RRM2: variants seen among roughly 807,000 people sequenced by gnomAD.
The protein encoded by RRM2 is ribonucleoside-diphosphate reductase subunit M2.
Under a neutral mutation model 45.9 loss-of-function variants are expected in RRM2, and 6 were observed. The ratio of observed to expected loss-of-function variants is 0.13; its 90% confidence interval spans 0.07 to 0.26. RRM2 has a LOEUF of 0.26. Among genes scored for constraint, RRM2 ranks in the 10% least tolerant of loss-of-function variants. The pLI is 1.00. For synonymous variants in RRM2, 177 were observed against 173.0 expected (o/e 1.02, Z -0.18); for missense variants, 343 against 489.5 (o/e 0.70, Z 2.82).
chr2:10,154,877 G>A (rs1297106416), intron 3 of RRM2, among the ~76,000 whole-genome samples: 2 of 151,688 alleles, frequency 1.3e-5, no homozygotes, highest in Non-Finnish European at 1.5e-5. Flanking sequence ...TGTATTTTTA[G>A]TAGAGACGTG....
chr2:10,202,475 G>C (rs1361264865), intron 3 of RRM2, among the ~76,000 whole-genome samples: 2 of 152,182 alleles, frequency 1.3e-5, no homozygotes, highest in Non-Finnish European at 2.9e-5. Context: ...GGAGCTTCTG[G>C]CCGATTTCTC....
chr2:10,166,139 G>A (rs1249159239), intron 3 of RRM2, among the ~76,000 whole-genome samples: 1 of 152,212 alleles, frequency 6.6e-6, no homozygotes, highest in Non-Finnish European at 1.5e-5. Context: ...CCATCTTAAT[G>A]CCTTTCCAAT....
Position 10,123,367 on chromosome 2 carries a change from TTTA to T in RRM2, c.175-17_175-15del, listed in dbSNP as rs574667927. 8.5e-4 allele frequency: 1,356 copies of T among 1,596,168 alleles called. 27 individuals carry two copies. In the South Asian group the frequency reaches 0.014, roughly 16 times the overall value. On this transcript the variant is annotated splice_polypyrimidine_tract_variant and intron_variant, in intron 2 of 9. Transcript: ENST00000304567. Reference sequence around the variant, plus strand: ...TATGGTTCGCCCGGTACTTAAATGTTTTATTTTCTCCCCCAACAGAAAACTAAA... The same window carrying T: ...TATGGTTCGCCCGGTACTTAAATGTTTTTTCTCCCCCAACAGAAAACTAAA...
At chr2:10,194,651 G>A (rs1036672452) in intron 3 of RRM2, among the ~76,000 whole-genome samples, 3 of 152,258 alleles carry the variant, frequency 2.0e-5, no homozygotes, top group Non-Finnish European at 2.9e-5. Context: ...CATGGGCTCT[G>A]GCCCAAGTTA....
At chr2:10,193,147 G>A (rs945487356) in intron 3 of RRM2, among the ~76,000 whole-genome samples, 11 of 152,182 alleles carry the variant, frequency 7.2e-5, no homozygotes, top group South Asian at 4.2e-4. Flanking sequence ...GCCCTCCCCC[G>A]TCGGTTCCTT....
rs1664652785 is a variant in RRM2, at chr2:10,205,855, A to G, written n.483-4456A>G. Among the ~76,000 whole-genome samples, 1 of 151,884 alleles carries G rather than the reference A, an allele frequency of 6.6e-6. No individual in the cohort carries two copies. The highest frequency in any genetic ancestry group is 1.5e-5 in the Non-Finnish European group (1 of 67,964). Reference sequence around the variant, plus strand: ...TACAGGCACCTGCCACCACCCCTGGATAATTTTTGTATTTTTAGTGGAGAC... The same window carrying G: ...TACAGGCACCTGCCACCACCCCTGGGTAATTTTTGTATTTTTAGTGGAGAC... On this transcript the variant is annotated intron_variant and non_coding_transcript_variant, in intron 3 of 3. Transcript: ENST00000381786. The surrounding 1 kb of genome is among the most constrained non-coding windows in gnomAD (Gnocchi z 4.8).
At chr2:10,176,256 T>C (rs1475612548) in intron 3 of RRM2, among the ~76,000 whole-genome samples, 1 of 152,142 alleles carries the variant, frequency 6.6e-6, no homozygotes, top group Non-Finnish European at 1.5e-5. Flanking sequence ...GATCATATGG[T>C]AATTCTACTT....
At chr2:10,147,937 G>T (rs1663224609) in intron 3 of RRM2, among the ~76,000 whole-genome samples, 1 of 152,040 alleles carries the variant, frequency 6.6e-6, no homozygotes, top group African/African-American at 2.4e-5. Flanking sequence ...TCGAGGTCAG[G>T]AGTTTGAGAC....
At chr2:10,123,178 C>G in intron 2 of RRM2, 121 bp downstream of exon 2, 1 of 1,329,970 alleles carries the variant, frequency 7.5e-7, no homozygotes, top group African/African-American at 1.5e-5. Flanking sequence ...CTAGGCGGCC[C>G]CTCCCCAGGG....
At chr2:10,179,213 C>T (rs944232292) in intron 3 of RRM2, among the ~76,000 whole-genome samples, 14 of 152,070 alleles carry the variant, frequency 9.2e-5, no homozygotes, top group African/African-American at 2.4e-4. Context: ...AGTGTAGTGG[C>T]GCGATCTCAG....
intron 3 of RRM2, among the ~76,000 whole-genome samples, chr2:10,181,386 A>G (rs550856064): frequency 6.6e-6 from 1 of 152,334 alleles, no homozygotes; most frequent in African/African-American, 2.4e-5. Flanking sequence ...CTTTTCAAGG[A>G]ACCAACTTTA....
intron 3 of RRM2, 25 bp from the exon 4 acceptor site, chr2:10,123,711 T>C (rs1399231733): frequency 6.7e-7 from 1 of 1,492,632 alleles, no homozygotes. Flanking sequence ...CCTTTTATGC[T>C]AAAATTGTGA....
In RRM2 at chr2:10,172,966, T is replaced by C. The variant is rs571887589; in HGVS notation, n.482+30591T>C. 5.3e-5 allele frequency among the ~76,000 whole-genome samples: 8 copies of C among 152,330 alleles called. No homozygotes were observed. In the East Asian group the frequency reaches 1.5e-3, roughly 29 times the overall value. Reference sequence around the variant, plus strand: ...TGTTGAATGGAAAATCCAGTTTCCTTCGCCGTCTTCCTTGTCTGTCCTCTC... The same window carrying C: ...TGTTGAATGGAAAATCCAGTTTCCTCCGCCGTCTTCCTTGTCTGTCCTCTC... On this transcript the variant is annotated intron_variant and non_coding_transcript_variant, in intron 3 of 3. Transcript: ENST00000381786. This position sits in a 1 kb window ranked among gnomAD's most constrained non-coding sequence, Gnocchi z 4.9.
chr2:10,190,223 A>AGTGATGGTGATGATGGTG (rs1664260701), intron 3 of RRM2, among the ~76,000 whole-genome samples: 1 of 75,814 alleles, frequency 1.3e-5, no homozygotes, highest in Admixed American at 1.2e-4. Flanking sequence ...TGGAGATGAT[A>AGTGATGGTGATGATGGTG]GTGATGGTGA....
exon 4 of RRM2, chr2:10,210,762 G>A (rs1440045769): frequency 8.7e-6 from 4 of 459,840 alleles, no homozygotes; most frequent in Admixed American, 7.4e-5. Context: ...GGGTTCATAT[G>A]TTGAACCCCT....
chr2:10,125,117 A>G (rs1413997402), intron 5 of RRM2, among the ~76,000 whole-genome samples: 1 of 152,258 alleles, frequency 6.6e-6, no homozygotes, highest in East Asian at 1.9e-4. Context: ...GTTGGGTAAG[A>G]CAAACTAAAA....
chr2:10,210,131 G>C (rs1486523302), intron 3 of RRM2, among the ~76,000 whole-genome samples: 2 of 152,084 alleles, frequency 1.3e-5, no homozygotes, highest in Non-Finnish European at 2.9e-5. Context: ...CCTCCTCCCT[G>C]TGCCGAAATC....
At chr2:10,155,843 C>T (rs1663410672) in intron 3 of RRM2, 1 of 152,272 alleles carries the variant, frequency 6.6e-6, no homozygotes, top group Non-Finnish European at 1.5e-5. Flanking sequence ...CCTGGCTCCA[C>T]TGTGCCCCTA....
rs1663339149 is a variant in RRM2 at position 10,152,694 on chromosome 2, G to A, written n.482+10319G>A. On this transcript the variant is annotated intron_variant and non_coding_transcript_variant, in intron 3 of 3. Coordinates refer to the RRM2 transcript ENST00000381786. Reference sequence around the variant, plus strand: ...TATGCAGTTTCACCATGTTGGCCAGGCTGGTCTCGAACTCTTCACCTCAGG... The same window carrying A: ...TATGCAGTTTCACCATGTTGGCCAGACTGGTCTCGAACTCTTCACCTCAGG... Among the ~76,000 whole-genome samples, 3 of 151,580 alleles carry A rather than the reference G, an allele frequency of 2.0e-5. No homozygotes were observed. In the South Asian group the frequency reaches 6.3e-4, roughly 32 times the overall value.
Sources: allele counts gnomAD v4.1 joint callset (sites outside exome capture counted in the v4.1 genomes callset), GRCh38; gene constraint gnomAD v4.1.1; non-coding constraint Gnocchi (gnomAD v3.1); transcripts MANE v1.5; gene names NCBI Gene and HGNC (gene_info 2026-07-23, HGNC 2026-07-21).